The following SLC35D4 variants were observed in gnomAD, a reference collection of about 807,000 sequenced individuals.
SLC35D4 encodes solute carrier family 35 member D4.
At chr18:23,427,441 G>A in the SLC35D4 span, among the ~76,000 whole-genome samples, 2 of 152,118 alleles carry the variant, frequency 1.3e-5, no homozygotes, top group African/African-American at 4.8e-5. Context: ...CTGGCCATCA[G>A]AGAAATGCAA....
the SLC35D4 span, among the ~76,000 whole-genome samples, chr18:23,262,709 G>C: frequency 6.6e-6 from 1 of 152,218 alleles, no homozygotes; most frequent in Admixed American, 6.5e-5. Context: ...GTGGGCCCAG[G>C]GTTGGCCAAG....
chr18:23,313,572 A>C, the SLC35D4 span, among the ~76,000 whole-genome samples: 1 of 152,116 alleles, frequency 6.6e-6, no homozygotes, highest in Non-Finnish European at 1.5e-5. Context: ...AAATCTACCC[A>C]GTTTTCACTT....
chr18:23,245,324 A>T, the SLC35D4 span, among the ~76,000 whole-genome samples: 1 of 152,146 alleles, frequency 6.6e-6, no homozygotes, highest in Non-Finnish European at 1.5e-5. Context: ...CCTAGCCAAC[A>T]TGGCGAAACC....
the SLC35D4 span, among the ~76,000 whole-genome samples, chr18:23,245,019 C>T: frequency 6.6e-6 from 1 of 152,226 alleles, no homozygotes; most frequent in South Asian, 2.1e-4. Flanking sequence ...AACCTGTCTG[C>T]TCTGAGACCC....
chr18:23,257,715 T>G, the SLC35D4 span: 9 of 195,322 alleles, frequency 4.6e-5, no homozygotes, highest in East Asian at 2.7e-4. Context: ...TCCAGATCTG[T>G]TCCAACTTGG....
At chr18:23,248,538 T>TTTTTTTTTA in the SLC35D4 span, among the ~76,000 whole-genome samples, 7 of 93,602 alleles carry the variant, frequency 7.5e-5, no homozygotes, top group African/African-American at 2.1e-4. Context: ...TTTTTTTTTT[T>TTTTTTTTTA]AAAAAAAGGC....
chr18:23,279,300 TCCC>T, the SLC35D4 span, among the ~76,000 whole-genome samples: 3 of 152,116 alleles, frequency 2.0e-5, no homozygotes, highest in Non-Finnish European at 4.4e-5. Flanking sequence ...CCCCAACATC[TCCC>T]CCATCAACTT....
the SLC35D4 span, among the ~76,000 whole-genome samples, chr18:23,383,640 C>T: frequency 1.7e-4 from 26 of 151,966 alleles, no homozygotes; most frequent in Non-Finnish European, 2.6e-4. Context: ...GGGAGGTGCA[C>T]GGGCAAGGCA....
At chr18:23,411,848 A>G in the SLC35D4 span, among the ~76,000 whole-genome samples, 7 of 151,852 alleles carry the variant, frequency 4.6e-5, no homozygotes, top group African/African-American at 1.7e-4. Flanking sequence ...GGCTAATTAA[A>G]TTAAATTATT....
the SLC35D4 span, among the ~76,000 whole-genome samples, chr18:23,269,017 G>A: frequency 0.11 from 16,391 of 152,220 alleles, 1,688 homozygotes; most frequent in African/African-American, 0.27. Flanking sequence ...TCTCCTCACC[G>A]TTCCGTGGCC....
the SLC35D4 span, among the ~76,000 whole-genome samples, chr18:23,275,593 A>AGTGCT: frequency 0.036 from 5,080 of 140,624 alleles, 131 homozygotes; most frequent in Non-Finnish European, 0.044. Flanking sequence ...GGTCAGAAAG[A>AGTGCT]GTGCTGTGCT....
At chr18:23,414,538 T>C in the SLC35D4 span, among the ~76,000 whole-genome samples, 4 of 151,870 alleles carry the variant, frequency 2.6e-5, no homozygotes, top group East Asian at 7.8e-4. Context: ...CCAGGTGTGG[T>C]GGTGCCCACC....
the SLC35D4 span, among the ~76,000 whole-genome samples, chr18:23,314,005 G>A: frequency 2.6e-5 from 4 of 152,190 alleles, no homozygotes; most frequent in African/African-American, 9.7e-5. Context: ...TAATCCAGAA[G>A]GACTCTCCAC....
chr18:23,300,201 T>G, the SLC35D4 span, among the ~76,000 whole-genome samples: 3 of 152,192 alleles, frequency 2.0e-5, no homozygotes, highest in Non-Finnish European at 1.5e-5. Context: ...GCGTTCTTTT[T>G]GCACGCAGGC....
chr18:23,421,020 G>C, the SLC35D4 span, among the ~76,000 whole-genome samples: 16 of 151,888 alleles, frequency 1.1e-4, no homozygotes, highest in African/African-American at 3.6e-4. Flanking sequence ...AAGGCAGGTG[G>C]ATCACTTGAG....
At chr18:23,262,631 T>C in the SLC35D4 span, among the ~76,000 whole-genome samples, 1 of 152,240 alleles carries the variant, frequency 6.6e-6, no homozygotes, top group South Asian at 2.1e-4. Flanking sequence ...GCCGTGAGGC[T>C]GTTCTCCAGA....
At chr18:23,436,745 A>C in the SLC35D4 span, among the ~76,000 whole-genome samples, 1 of 152,196 alleles carries the variant, frequency 6.6e-6, no homozygotes, top group Non-Finnish European at 1.5e-5. Flanking sequence ...GTGAGCCGAG[A>C]TCACGTCACT....
At chr18:23,303,191 C>A in the SLC35D4 span, among the ~76,000 whole-genome samples, 4 of 152,334 alleles carry the variant, frequency 2.6e-5, no homozygotes, top group African/African-American at 7.2e-5. Context: ...GTGCAAGACA[C>A]AGAGCTGAAG....
chr18:23,367,979 G>A, the SLC35D4 span, among the ~76,000 whole-genome samples: 1 of 152,130 alleles, frequency 6.6e-6, no homozygotes, highest in Non-Finnish European at 1.5e-5. Context: ...TGCTGTTCTA[G>A]TAAGCAGGCT....
Sources: gnomAD v4.1 joint callset for allele counts (sites outside exome capture counted in the v4.1 genomes callset) on GRCh38, gnomAD v4.1.1 for gene constraint, MANE v1.5 for transcripts, NCBI Gene and HGNC (gene_info 2026-07-23, HGNC 2026-07-21) for gene names.